KPNA7: variants seen among roughly 807,000 people sequenced by gnomAD.
The protein encoded by KPNA7 is karyopherin subunit alpha 7.
KPNA7 carries 54 observed loss-of-function variants against 53.7 expected under a neutral mutation model. The observed-to-expected ratio is 1.01, with a 90% CI of 0.81 to 1.26. The LOEUF is 1.26. Ranked by LOEUF, KPNA7 falls within the 50% of genes most tolerant of loss-of-function variation. The pLI is 0.00. For missense variants in KPNA7, 640 were observed against 644.5 expected, an observed-to-expected ratio of 0.99 and a Z score of 0.07; for synonymous variants, 276 against 259.3, an observed-to-expected ratio of 1.06 and a Z score of -0.62.
chr7:99,174,849 C>T (rs1397730573), intron 10 of KPNA7, among the ~76,000 whole-genome samples: 8 of 149,400 alleles, frequency 5.4e-5, no homozygotes, highest in Non-Finnish European at 1.0e-4. Flanking sequence ...CTTACTCTGT[C>T]GCCCAGGCTG....
In KPNA7 at chr7:99,190,252, G is replaced by A. The variant is rs376173191; in HGVS notation, c.637-1689C>T. ...CTCGGGAGGCTGAAGCAGAAGAATC[G>A]CTTGAACCCAGGAGGCGGAGGTTGC... On this transcript the variant is annotated intron_variant, in intron 6 of 10. Transcript: ENST00000327442. Among the ~76,000 whole-genome samples the A allele has an allele frequency of 8.7e-5, 13 of 150,226 alleles. No homozygotes were observed. In the East Asian group the frequency reaches 9.9e-4, roughly 11 times the overall value.
At chr7:99,150,971 G>C in the KPNA7 span, among the ~76,000 whole-genome samples, 7 of 152,134 alleles carry the variant, frequency 4.6e-5, no homozygotes, top group Non-Finnish European at 1.0e-4. Context: ...ATGTGACAAA[G>C]ATTCCCCTAC....
chr7:99,176,512 C>T (rs1478738904), intron 10 of KPNA7, among the ~76,000 whole-genome samples: 1 of 151,910 alleles, frequency 6.6e-6, no homozygotes, highest in East Asian at 1.9e-4. Flanking sequence ...TGGAAAAGAG[C>T]GTGGTAGTTC....
intron 7 of KPNA7, among the ~76,000 whole-genome samples, chr7:99,187,863 T>G (rs561541201): frequency 7.2e-4 from 102 of 142,204 alleles, no homozygotes; most frequent in Middle Eastern, 7.5e-3. Flanking sequence ...TCAAAATAGA[T>G]TCAAGCTTTT....
chr7:99,210,175 C>T (rs771838848), upstream of KPNA7, among the ~76,000 whole-genome samples: 1 of 152,164 alleles, frequency 6.6e-6, no homozygotes, highest in Admixed American at 6.6e-5. Context: ...GTGTTCTAGA[C>T]CCCTGGGCTT....
chr7:99,181,114 C>T (rs796174478), intron 9 of KPNA7, among the ~76,000 whole-genome samples: 1 of 4,716 alleles, frequency 2.1e-4, no homozygotes, highest in Non-Finnish European at 6.5e-4. Flanking sequence ...TCTCTCTCTC[C>T]GTCTGTGTCT....
At chr7:99,184,333 G>A (rs34175806) in intron 8 of KPNA7, among the ~76,000 whole-genome samples, 15,163 of 151,666 alleles carry the variant, frequency 0.1, 902 homozygotes, top group African/African-American at 0.16. Context: ...TTTTGTATAC[G>A]TATATTTTTT....
intron 3 of KPNA7, among the ~76,000 whole-genome samples, chr7:99,200,209 C>T (rs921736884): frequency 6.6e-5 from 10 of 151,806 alleles, no homozygotes; most frequent in African/African-American, 1.2e-4. Context: ...GGCTAATTTT[C>T]GTATTTTTCG....
chr7:99,154,674 C>T, the KPNA7 span, among the ~76,000 whole-genome samples: 1 of 151,968 alleles, frequency 6.6e-6, no homozygotes. Context: ...AGATGAGTGC[C>T]ACCACGCCCG....
chr7:99,182,719 T>C (rs1789332022), intron 8 of KPNA7, among the ~76,000 whole-genome samples: 1 of 152,150 alleles, frequency 6.6e-6, no homozygotes, highest in Non-Finnish European at 1.5e-5. Flanking sequence ...AGGGAAGCTC[T>C]AAGATCAGAT....
intron 2 of KPNA7, among the ~76,000 whole-genome samples, chr7:99,203,481 T>C (rs68076840): frequency 0.079 from 12,053 of 152,144 alleles, 513 homozygotes; most frequent in South Asian, 0.15. Context: ...ATGCACAACC[T>C]TGACAGGTCA....
downstream of KPNA7, among the ~76,000 whole-genome samples, chr7:99,169,554 T>C (rs1380820535): frequency 6.6e-6 from 1 of 151,554 alleles, no homozygotes; most frequent in Non-Finnish European, 1.5e-5. Context: ...GGAATGGAGG[T>C]TGCAGTGAGC....
chr7:99,192,717 TG>T (rs2150744688), intron 6 of KPNA7, among the ~76,000 whole-genome samples: 1 of 152,286 alleles, frequency 6.6e-6, no homozygotes, highest in East Asian at 1.9e-4. Context: ...TCTTGAGCCT[TG>T]TTTATGAGGT....
the KPNA7 span, among the ~76,000 whole-genome samples, chr7:99,163,378 TA>T: frequency 0.071 from 4,915 of 69,630 alleles, 159 homozygotes; most frequent in African/African-American, 0.087. Flanking sequence ...TATATATATA[TA>T]TATATTTTTT....
chr7:99,191,754 A>C (rs1419776490), intron 6 of KPNA7, among the ~76,000 whole-genome samples: 2 of 151,930 alleles, frequency 1.3e-5, no homozygotes, highest in Admixed American at 6.6e-5. Flanking sequence ...GGTTCAATCA[A>C]TTCTCCTGCC....
At chr7:99,196,063 C>A in intron 4 of KPNA7, 21 bp downstream of exon 4, 1 of 1,544,632 alleles carries the variant, frequency 6.5e-7, no homozygotes, top group Non-Finnish European at 8.8e-7. Context: ...CCTGCAACAG[C>A]AGAAGTCTGT....
rs754881370 is a variant in KPNA7, at chr7:99,207,613, CTTTTTTTTTTTTTTTTTTTTTT to C, written c.-23-146_-23-125del. On this transcript the variant is annotated intron_variant, in intron 1 of 10. Transcript: ENST00000327442. Reference sequence around the variant, plus strand: ...GCAAAGGGCAGACCCAGGAAGCTAGCTTTTTTTTTTTTTTTTTTTTTTTTTTTTTTTTTTTTTTTTGAGACAG... The same window carrying C: ...GCAAAGGGCAGACCCAGGAAGCTAGCTTTTTTTTTTTTTTTTTTGAGACAG... The C allele has an allele frequency of 7.3e-3, 899 of 123,008 alleles. 8 individuals are homozygous for C. Among genetic ancestry groups the C allele is most frequent in the African/African-American group, 0.028 (433 of 15,588 alleles). The allele number at this position is 123,008 out of a possible 1,614,324, so 7.6% of individuals were successfully genotyped here.
chr7:99,147,837 G>A, the KPNA7 span, among the ~76,000 whole-genome samples: 3 of 150,266 alleles, frequency 2.0e-5, no homozygotes, highest in Non-Finnish European at 3.0e-5. Context: ...GCAACATAAC[G>A]AGACCCCCAT....
At chr7:99,162,914 C>T in the KPNA7 span, among the ~76,000 whole-genome samples, 1 of 152,110 alleles carries the variant, frequency 6.6e-6, no homozygotes, top group Middle Eastern at 3.2e-3. Context: ...GACACGGTAG[C>T]TCACGCCTGT....
Sources: allele counts gnomAD v4.1 joint callset (sites outside exome capture counted in the v4.1 genomes callset), GRCh38; gene constraint gnomAD v4.1.1; transcripts MANE v1.5; gene names NCBI Gene and HGNC (gene_info 2026-07-23, HGNC 2026-07-21).